The following MAGI2 variants were observed in gnomAD, a reference collection of about 807,000 sequenced individuals.
The protein encoded by MAGI2 is membrane-associated guanylate kinase, WW and PDZ domain-containing protein 2.
A neutral mutation model predicts 133.3 loss-of-function variants in MAGI2; 35 were observed. The observed-to-expected ratio is 0.26, with a 90% confidence interval of 0.20 to 0.35. The LOEUF is 0.35. Among genes scored for constraint, MAGI2 ranks in the 10% least tolerant of loss-of-function variants. The pLI, the probability that MAGI2 is intolerant of heterozygous loss-of-function variation, is 1.00. For missense variants in MAGI2, 1,636 were observed against 1,863.4 expected, an observed-to-expected ratio of 0.88 and a Z score of 2.25; for synonymous variants, 729 against 710.6, an observed-to-expected ratio of 1.03 and a Z score of -0.41.
At chr7:78,963,506 T>C (rs1308408308) in intron 2 of MAGI2, among the ~76,000 whole-genome samples, 1 of 152,124 alleles carries the variant, frequency 6.6e-6, no homozygotes, top group South Asian at 2.1e-4. Flanking sequence ...GGTCCTTTTT[T>C]ATATTTTCAA....
chr7:79,367,135 C>G (rs1437434493), intron 1 of MAGI2, among the ~76,000 whole-genome samples: 1 of 152,140 alleles, frequency 6.6e-6, no homozygotes, highest in African/African-American at 2.4e-5. Flanking sequence ...AGCTACAGAC[C>G]AAATCCCTCT....
intron 1 of MAGI2, among the ~76,000 whole-genome samples, chr7:79,199,425 T>A (rs1828391216): frequency 6.6e-6 from 1 of 152,036 alleles, no homozygotes; most frequent in Admixed American, 6.5e-5. Context: ...TTCATGACTC[T>A]CTGAAGTAGT....
In MAGI2 at chr7:78,166,313, T is replaced by A. The variant is rs115560874; in HGVS notation, c.2596+1603A>T. ...TTTCCTTGTAAATCAGGTATCTTTT[T>A]AATTTATCTTTAGGTTATAGAACAT... is the stretch of plus-strand genomic sequence containing the variant. On this transcript the variant is annotated intron_variant, in intron 15 of 21. Coordinates refer to ENST00000354212, the MANE Select transcript of MAGI2 (RefSeq NM_012301.4). Among the ~76,000 whole-genome samples, 383 of 152,346 alleles carry A rather than the reference T, an allele frequency of 2.5e-3. 1 individual carries two copies. Among genetic ancestry groups the A allele is most frequent in the African/African-American group, 8.9e-3 (369 of 41,578 alleles).
intron 1 of MAGI2, among the ~76,000 whole-genome samples, chr7:79,377,527 TA>T (rs1189266925): frequency 4.6e-5 from 7 of 151,892 alleles, no homozygotes; most frequent in African/African-American, 9.7e-5. Flanking sequence ...GCCACGTTCT[TA>T]CATTTCAGGG....
chr7:78,389,125 G>A (rs11773623), intron 6 of MAGI2, among the ~76,000 whole-genome samples: 7,001 of 152,254 alleles, frequency 0.046, 248 homozygotes, highest in Middle Eastern at 0.065. Context: ...GAACATGAAA[G>A]CTACTTTATC....
At chr7:78,648,251 A>G (rs1811112962) in intron 2 of MAGI2, among the ~76,000 whole-genome samples, 1 of 152,260 alleles carries the variant, frequency 6.6e-6, no homozygotes, top group South Asian at 2.1e-4. Context: ...ATGGTTCCCA[A>G]CATACACATA....
chr7:78,702,855 G>A (rs1457248557), intron 2 of MAGI2, among the ~76,000 whole-genome samples: 1 of 151,966 alleles, frequency 6.6e-6, no homozygotes, highest in Non-Finnish European at 1.5e-5. Flanking sequence ...ACAATTGGGT[G>A]GAATTGTCTG....
rs185379986 is a variant in MAGI2 at position 78,997,604 on chromosome 7, T to C, written c.418+9486A>G. 4.5e-4 allele frequency among the ~76,000 whole-genome samples: 61 copies of C among 136,196 alleles called. 1 individual carries two copies. In the East Asian group the frequency reaches 0.013, roughly 28 times the overall value. 89.3% of individuals were successfully genotyped at this position (136,196 alleles called of 152,430 possible). On this transcript the variant is annotated intron_variant, in intron 2 of 21. Coordinates refer to ENST00000354212, the MANE Select transcript of MAGI2 (RefSeq NM_012301.4). ...GTGACAGAGCGAGACTCCATCTCAA[T>C]TAAAAAAAAAAAAAAAAAGGCAGGA... is the stretch of plus-strand genomic sequence containing the variant.
chr7:79,075,526 T>A (rs1400906486), intron 1 of MAGI2, among the ~76,000 whole-genome samples: 3 of 152,166 alleles, frequency 2.0e-5, no homozygotes, highest in Non-Finnish European at 4.4e-5. Context: ...TTTGGGAGGC[T>A]GATGTGGGCA....
intron 20 of MAGI2, among the ~76,000 whole-genome samples, chr7:78,081,996 C>T (rs1323527518): frequency 6.6e-6 from 1 of 152,188 alleles, no homozygotes; most frequent in African/African-American, 2.4e-5. Context: ...AGTACTTCCA[C>T]ATGGGTTATC....
intron 1 of MAGI2, among the ~76,000 whole-genome samples, chr7:79,068,140 C>T (rs1477428465): frequency 1.3e-5 from 2 of 152,054 alleles, no homozygotes; most frequent in Non-Finnish European, 2.9e-5. Context: ...GGGAGGATTC[C>T]CTCTTTTTCT....
At chr7:79,418,291 C>T (rs1846686322) in intron 1 of MAGI2, among the ~76,000 whole-genome samples, 1 of 152,050 alleles carries the variant, frequency 6.6e-6, no homozygotes, top group Admixed American at 6.6e-5. Context: ...GTCCTCAATG[C>T]TACAAGCTTT....
At chr7:78,694,820 T>C (rs1817333212) in intron 2 of MAGI2, among the ~76,000 whole-genome samples, 1 of 152,222 alleles carries the variant, frequency 6.6e-6, no homozygotes, top group Admixed American at 6.5e-5. Context: ...GGACTTTATA[T>C]AACATTTAAT....
At chr7:78,464,274 G>A (rs190232702) in intron 6 of MAGI2, among the ~76,000 whole-genome samples, 18 of 152,130 alleles carry the variant, frequency 1.2e-4, no homozygotes, top group Admixed American at 3.9e-4. Context: ...CTTCTACTCT[G>A]CGACACTCCA....
At chr7:78,737,265 G>A (rs1013659094) in intron 2 of MAGI2, among the ~76,000 whole-genome samples, 3 of 152,144 alleles carry the variant, frequency 2.0e-5, no homozygotes, top group Non-Finnish European at 4.4e-5. Flanking sequence ...TTATAAATGT[G>A]TCAACATTAG....
At chr7:78,909,198 C>G (rs1197769209) in intron 2 of MAGI2, among the ~76,000 whole-genome samples, 4 of 150,958 alleles carry the variant, frequency 2.6e-5, no homozygotes, top group African/African-American at 9.7e-5. Flanking sequence ...ATGCGGCCAA[C>G]AAACATATAA....
intron 3 of MAGI2, among the ~76,000 whole-genome samples, chr7:78,576,256 C>G (rs1431245749): frequency 1.3e-5 from 2 of 151,872 alleles, no homozygotes; most frequent in Non-Finnish European, 2.9e-5. Flanking sequence ...ACTCAACTGG[C>G]TTTTGGGACA....
At chr7:78,573,719 G>T (rs1319245847) in intron 3 of MAGI2, among the ~76,000 whole-genome samples, 1 of 151,762 alleles carries the variant, frequency 6.6e-6, no homozygotes. Flanking sequence ...AAATTTGATT[G>T]TATGATCTGT....
chr7:78,296,444 A>G (rs118033662), intron 9 of MAGI2, among the ~76,000 whole-genome samples: 63 of 152,196 alleles, frequency 4.1e-4, no homozygotes, highest in Non-Finnish European at 7.8e-4. Context: ...ACATTTCTTG[A>G]GTATTCTATT....
Sources: gnomAD v4.1 joint callset for allele counts (sites outside exome capture counted in the v4.1 genomes callset) on GRCh38, gnomAD v4.1.1 for gene constraint, MANE v1.5 for transcripts, NCBI Gene and HGNC (gene_info 2026-07-23, HGNC 2026-07-21) for gene names.